The following CCBE1 variants were observed in gnomAD, a reference collection of about 807,000 sequenced individuals.
CCBE1 encodes the protein collagen and calcium binding EGF domains 1.
CCBE1 carries 37 observed loss-of-function variants against 50.0 expected under a neutral mutation model. That is an observed-to-expected ratio of 0.74 (90% CI 0.57 to 0.97). The LOEUF (loss-of-function observed/expected upper bound fraction) is 0.97, where lower values mean the gene tolerates loss of function less well. CCBE1 is among the 50% of genes least tolerant of loss of function. The probability of loss-of-function intolerance (pLI) is 0.00; values close to 1 mark genes in which losing one functional copy is unlikely to be tolerated. For missense variants in CCBE1, 538 were observed against 523.8 expected (o/e 1.03, Z -0.26); for synonymous variants, 234 against 203.7 (o/e 1.15, Z -1.27).
At chr18:59,442,534 C>T (rs1038567659) in intron 7 of CCBE1, among the ~76,000 whole-genome samples, 4 of 152,108 alleles carry the variant, frequency 2.6e-5, no homozygotes, top group East Asian at 1.9e-4. Flanking sequence ...TTGAGACCAG[C>T]GTGGCCAACA....
chr18:59,437,522 T>C (rs1427228890), intron 10 of CCBE1, among the ~76,000 whole-genome samples: 1 of 152,220 alleles, frequency 6.6e-6, no homozygotes, highest in African/African-American at 2.4e-5. Context: ...CCTACCTCTG[T>C]GGCCACAGCC....
intron 2 of CCBE1, among the ~76,000 whole-genome samples, chr18:59,653,552 T>C (rs1200700932): frequency 2.6e-5 from 4 of 152,156 alleles, no homozygotes; most frequent in African/African-American, 7.2e-5. Flanking sequence ...ACAACAACCC[T>C]ATGAGATTAG....
chr18:59,511,606 G>A (rs529567719), intron 2 of CCBE1, among the ~76,000 whole-genome samples: 8 of 152,310 alleles, frequency 5.3e-5, no homozygotes, highest in South Asian at 4.1e-4. Flanking sequence ...ATCTTTCCAC[G>A]AGGAACATTC....
In CCBE1 at chr18:59,568,904, A is replaced by G. The variant is rs114139537; in HGVS notation, c.213-88666T>C. On this transcript the variant is annotated intron_variant, in intron 2 of 10. Transcript: ENST00000439986. ...GGCAGGCCATGAGTTCTCTCTATCCAGGGACATCTTGCCAACTAAACCTCC... is the reference window on the plus strand; with the variant it reads ...GGCAGGCCATGAGTTCTCTCTATCCGGGGACATCTTGCCAACTAAACCTCC... Among the ~76,000 whole-genome samples the G allele has an allele frequency of 3.9e-3, 593 of 152,320 alleles. 7 individuals are homozygous for G. The highest frequency in any genetic ancestry group is 0.014 in the African/African-American group (565 of 41,580).
intron 2 of CCBE1, among the ~76,000 whole-genome samples, chr18:59,616,410 C>CAT (rs1384811797): frequency 3.3e-5 from 5 of 152,174 alleles, no homozygotes; most frequent in African/African-American, 1.2e-4. Flanking sequence ...CATTGTCTAA[C>CAT]ATATTTAAAA....
intron 2 of CCBE1, among the ~76,000 whole-genome samples, chr18:59,665,181 C>T (rs201419521): frequency 0.031 from 4,775 of 151,908 alleles, 258 homozygotes; most frequent in African/African-American, 0.11. Context: ...AGAGTCCCCC[C>T]GAGACAAAAG....
chr18:59,449,038 T>A (rs1910810367), intron 6 of CCBE1, among the ~76,000 whole-genome samples: 1 of 152,146 alleles, frequency 6.6e-6, no homozygotes, highest in African/African-American at 2.4e-5. Context: ...CATGAGGCAG[T>A]GGGTCAACAC....
At chr18:59,586,246 G>A (rs1267236846) in intron 2 of CCBE1, among the ~76,000 whole-genome samples, 2 of 152,146 alleles carry the variant, frequency 1.3e-5, no homozygotes, top group Non-Finnish European at 2.9e-5. Context: ...GGAAGAAGAG[G>A]GAATGAGCCA....
chr18:59,457,406 G>A (rs1243341543), intron 5 of CCBE1, among the ~76,000 whole-genome samples: 4 of 152,290 alleles, frequency 2.6e-5, no homozygotes, highest in Admixed American at 1.3e-4. Flanking sequence ...TAGGCTCAGC[G>A]ACCTTGGGCA....
intron 2 of CCBE1, among the ~76,000 whole-genome samples, chr18:59,542,279 T>TTC (rs568957191): frequency 0.62 from 93,474 of 151,824 alleles, 29,294 homozygotes; most frequent in African/African-American, 0.7. Flanking sequence ...GGTAGAAATC[T>TTC]TAATAAATTC....
At chr18:59,677,251 TA>T (rs1407028054) in intron 2 of CCBE1, among the ~76,000 whole-genome samples, 1 of 152,154 alleles carries the variant, frequency 6.6e-6, no homozygotes, top group Non-Finnish European at 1.5e-5. Flanking sequence ...ATACATTTGA[TA>T]AAAGATTTGA....
intron 5 of CCBE1, among the ~76,000 whole-genome samples, chr18:59,455,452 G>C (rs1911146634): frequency 6.6e-6 from 1 of 152,174 alleles, no homozygotes; most frequent in African/African-American, 2.4e-5. Context: ...GTGAGGCCAG[G>C]ATGGGAAATG....
At chr18:59,563,662 A>G (rs962431017) in intron 2 of CCBE1, 7 of 152,204 alleles carry the variant, frequency 4.6e-5, no homozygotes, top group African/African-American at 1.4e-4. Context: ...TTGAATGCCT[A>G]CTAGCAACAC....
intron 2 of CCBE1, among the ~76,000 whole-genome samples, chr18:59,584,706 T>C (rs1307699953): frequency 6.6e-6 from 1 of 152,142 alleles, no homozygotes; most frequent in African/African-American, 2.4e-5. Context: ...AAGATGCCTG[T>C]TCCCCCTTCA....
At chr18:59,533,966 C>T (rs1915146970) in intron 2 of CCBE1, among the ~76,000 whole-genome samples, 1 of 152,204 alleles carries the variant, frequency 6.6e-6, no homozygotes, top group Non-Finnish European at 1.5e-5. Flanking sequence ...ATGTCCTGTG[C>T]TCTGTGTTTC....
chr18:59,597,119 C>CT (rs2053363559), intron 2 of CCBE1, among the ~76,000 whole-genome samples: 1 of 152,232 alleles, frequency 6.6e-6, no homozygotes, highest in Non-Finnish European at 1.5e-5. Context: ...GAGCCTGGCT[C>CT]TGTGATCAGG....
chr18:59,489,501 C>T (rs1912989573), intron 2 of CCBE1, among the ~76,000 whole-genome samples: 1 of 152,156 alleles, frequency 6.6e-6, no homozygotes, highest in Non-Finnish European at 1.5e-5. Context: ...GCAACCTCTA[C>T]CTCCTGGGTT....
intron 2 of CCBE1, among the ~76,000 whole-genome samples, chr18:59,609,448 C>T (rs935015433): frequency 3.9e-5 from 6 of 152,206 alleles, no homozygotes; most frequent in Non-Finnish European, 8.8e-5. Context: ...CGACATGCTA[C>T]AGAACAGTTC....
At chr18:59,540,160 T>C (rs1406529972) in intron 2 of CCBE1, among the ~76,000 whole-genome samples, 1 of 152,194 alleles carries the variant, frequency 6.6e-6, no homozygotes, top group Non-Finnish European at 1.5e-5. Context: ...CTCTGAAAAA[T>C]TGATAAACTT....
Sources: gnomAD v4.1 joint callset for allele counts (sites outside exome capture counted in the v4.1 genomes callset) on GRCh38, gnomAD v4.1.1 for gene constraint, MANE v1.5 for transcripts, NCBI Gene and HGNC (gene_info 2026-07-23, HGNC 2026-07-21) for gene names.